SIPA1L1: variants seen among roughly 807,000 people sequenced by gnomAD.
SIPA1L1 encodes signal induced proliferation associated 1 like 1, also known as signal-induced proliferation-associated 1-like protein 1.
In SIPA1L1, 26 loss-of-function variants were observed where a neutral mutation model predicts 162.7. The observed-to-expected ratio is 0.16, with a 90% confidence interval of 0.12 to 0.22. SIPA1L1 has a LOEUF of 0.22. Ranked by LOEUF, SIPA1L1 falls within the 10% of genes least tolerant of loss-of-function variation. SIPA1L1 has a pLI of 1.00. For missense variants in SIPA1L1, 1,874 were observed against 2,241.0 expected (o/e 0.84, Z 3.31); for synonymous variants, 829 against 837.4 (o/e 0.99, Z 0.17).
At position 71,648,299 on chromosome 14, in the gene SIPA1L1, A is replaced by AAT. The variant is rs141893869; in HGVS notation, c.1819-2023_1819-2022dup. Among the ~76,000 whole-genome samples, 596 of 151,792 alleles carry AAT rather than the reference A, an allele frequency of 3.9e-3. 2 individuals are homozygous for AAT. The highest frequency in any genetic ancestry group is 6.6e-3 in the Non-Finnish European group (450 of 67,866). ...GAGCGAAGCGAAACTCCATCTCAAA[A>AAT]ATATATATATATATCCAGGAACCCT... On this transcript the variant is annotated intron_variant, in intron 7 of 23. Coordinates refer to ENST00000381232, the MANE Select transcript of SIPA1L1 (RefSeq NM_001386936.1).
At chr14:71,606,027 T>G (rs1361991569) in intron 5 of SIPA1L1, among the ~76,000 whole-genome samples, 1 of 152,084 alleles carries the variant, frequency 6.6e-6, no homozygotes, top group East Asian at 1.9e-4. Context: ...CCGAGAAAGC[T>G]TGACCTCTGC....
intron 2 of SIPA1L1, among the ~76,000 whole-genome samples, chr14:71,362,294 T>C (rs576481773): frequency 6.6e-6 from 1 of 152,374 alleles, no homozygotes; most frequent in East Asian, 1.9e-4. Flanking sequence ...TTTTAAAAAA[T>C]GGGCAGTTTG....
chr14:71,717,057 G>A (rs1020226364), intron 17 of SIPA1L1, among the ~76,000 whole-genome samples: 4 of 152,074 alleles, frequency 2.6e-5, no homozygotes, highest in Admixed American at 1.3e-4. Flanking sequence ...ATGCCTTCAC[G>A]CCCGGCTAAT....
chr14:71,493,280 G>A (rs2049441536), intron 2 of SIPA1L1, among the ~76,000 whole-genome samples: 1 of 152,092 alleles, frequency 6.6e-6, no homozygotes, highest in South Asian at 2.1e-4. Flanking sequence ...TTTTTGGAGT[G>A]ATGGGGTTTC....
At chr14:71,488,604 G>T (rs965322645) in intron 2 of SIPA1L1, among the ~76,000 whole-genome samples, 4 of 152,180 alleles carry the variant, frequency 2.6e-5, no homozygotes, top group African/African-American at 9.7e-5. Flanking sequence ...ATCTCTAAGA[G>T]ATGTTGTAAT....
chr14:71,387,380 G>A (rs2040421351), intron 2 of SIPA1L1, among the ~76,000 whole-genome samples: 1 of 152,132 alleles, frequency 6.6e-6, no homozygotes, highest in Admixed American at 6.5e-5. Context: ...GAAGGCTGAG[G>A]TGGGAGGATC....
chr14:71,596,411 ATTTC>A (rs2036035444), intron 5 of SIPA1L1, among the ~76,000 whole-genome samples: 1 of 152,182 alleles, frequency 6.6e-6, no homozygotes, highest in Non-Finnish European at 1.5e-5. Context: ...AACTAATCCT[ATTTC>A]TTGTGACCGA....
intron 8 of SIPA1L1, among the ~76,000 whole-genome samples, chr14:71,651,701 G>A (rs535958862): frequency 9.9e-5 from 15 of 152,192 alleles, no homozygotes; most frequent in South Asian, 4.1e-4. Context: ...AAGAGAATGT[G>A]TAATAAGCTC....
intron 2 of SIPA1L1, among the ~76,000 whole-genome samples, chr14:71,330,099 A>C (rs991715230): frequency 2.6e-5 from 4 of 152,218 alleles, no homozygotes; most frequent in Non-Finnish European, 5.9e-5. Flanking sequence ...TTTCCTAACT[A>C]GGTTCCTCAT....
chr14:71,464,408 C>T (rs898903388), intron 2 of SIPA1L1, among the ~76,000 whole-genome samples: 31 of 152,126 alleles, frequency 2.0e-4, no homozygotes, highest in Non-Finnish European at 3.8e-4. Flanking sequence ...TTTGGGTCGC[C>T]GAGGTGGGCG....
chr14:71,463,860 C>T (rs970104056), intron 2 of SIPA1L1, among the ~76,000 whole-genome samples: 1 of 152,184 alleles, frequency 6.6e-6, no homozygotes, highest in African/African-American at 2.4e-5. Context: ...CAGAGCTCTA[C>T]AGGAGTCAGA....
chr14:71,492,088 CA>C (rs1196180854), intron 2 of SIPA1L1, among the ~76,000 whole-genome samples: 4 of 152,166 alleles, frequency 2.6e-5, no homozygotes, highest in African/African-American at 9.7e-5. Context: ...TCCTTGACAA[CA>C]AGGTCTTTGT....
chr14:71,467,829 A>G (rs989008777), intron 2 of SIPA1L1, among the ~76,000 whole-genome samples: 1 of 150,640 alleles, frequency 6.6e-6, no homozygotes, highest in Non-Finnish European at 1.5e-5. Context: ...CAACCTGCCA[A>G]ACATAACTAG....
At chr14:71,574,468 T>G (rs1245128374) in intron 4 of SIPA1L1, 1 of 152,072 alleles carries the variant, frequency 6.6e-6, no homozygotes, top group East Asian at 1.9e-4. Context: ...TTAGGGAGAT[T>G]TATCTTGCAC....
chr14:71,641,924 TG>T (rs2041753911), intron 7 of SIPA1L1, among the ~76,000 whole-genome samples: 3 of 152,160 alleles, frequency 2.0e-5, no homozygotes, highest in Admixed American at 2.0e-4. Flanking sequence ...CAGGAGCTAT[TG>T]GGGTAATGGC....
chr14:71,449,116 T>C (rs1426722654), intron 2 of SIPA1L1, among the ~76,000 whole-genome samples: 1 of 152,200 alleles, frequency 6.6e-6, no homozygotes, highest in Non-Finnish European at 1.5e-5. Flanking sequence ...GTAGGAGAGC[T>C]GGTTGATGGC....
chr14:71,353,313 A>G (rs1042950737), intron 2 of SIPA1L1, among the ~76,000 whole-genome samples: 8 of 152,200 alleles, frequency 5.3e-5, no homozygotes, highest in African/African-American at 1.9e-4. Flanking sequence ...AACCACTTGA[A>G]GAAGTAAGGT....
chr14:71,420,010 G>A (rs2140547921), intron 2 of SIPA1L1, among the ~76,000 whole-genome samples: 1 of 152,158 alleles, frequency 6.6e-6, no homozygotes, highest in Admixed American at 6.5e-5. Context: ...GACAAAGCAA[G>A]ACCCTGTCTC....
At position 71,609,368 on chromosome 14, in the gene SIPA1L1, A is replaced by C. The variant is rs2037917902; in HGVS notation, c.1499-9389A>C. 2.6e-5 allele frequency among the ~76,000 whole-genome samples: 4 copies of C among 152,178 alleles called. 1 individual carries two copies. The East Asian group carries it at 5.8e-4, about 22-fold the overall frequency. On this transcript the variant is annotated intron_variant, in intron 5 of 23. Transcript: ENST00000381232. Reference sequence around the variant, plus strand: ...ACTGCCACCTTGATCTCCTGGGTTCAAGTGCTCATCACACCTCATCCTCCC... The same window carrying C: ...ACTGCCACCTTGATCTCCTGGGTTCCAGTGCTCATCACACCTCATCCTCCC...
Sources: allele counts gnomAD v4.1 joint callset (sites outside exome capture counted in the v4.1 genomes callset), GRCh38; gene constraint gnomAD v4.1.1; transcripts MANE v1.5; gene names NCBI Gene and HGNC (gene_info 2026-07-23, HGNC 2026-07-21).